RAB11FIP3: variants seen among roughly 807,000 people sequenced by gnomAD.
The protein encoded by RAB11FIP3 is RAB11 family interacting protein 3, also known as rab11 family-interacting protein 3.
A neutral mutation model predicts 77.8 loss-of-function variants in RAB11FIP3; 17 were observed. The ratio of observed to expected loss-of-function variants is 0.22; its 90% CI spans 0.15 to 0.33. The LOEUF (loss-of-function observed/expected upper bound fraction) is 0.33. Among genes scored for constraint, RAB11FIP3 ranks in the 10% least tolerant of loss-of-function variants. The pLI, the probability that RAB11FIP3 is intolerant of heterozygous loss-of-function variation, is 1.00. For synonymous variants in RAB11FIP3, 437 were observed against 448.2 expected (o/e 0.98, Z 0.31); for missense variants, 1,005 against 1,011.2 (o/e 0.99, Z 0.08).
chr16:443,276 T>C (rs1454244195), intron 1 of RAB11FIP3, among the ~76,000 whole-genome samples: 1 of 152,134 alleles, frequency 6.6e-6, no homozygotes, highest in Non-Finnish European at 1.5e-5. Context: ...GCGAGTGCCT[T>C]TAAAGCGAAA....
chr16:448,502 C>T (rs1246077666), intron 1 of RAB11FIP3, among the ~76,000 whole-genome samples: 2 of 150,672 alleles, frequency 1.3e-5, no homozygotes, highest in African/African-American at 2.4e-5. Context: ...TTTGGGAGGC[C>T]GAGGCAGGTG....
intron 4 of RAB11FIP3, among the ~76,000 whole-genome samples, chr16:487,200 G>GGCTCACTGCCATCTCC: frequency 6.7e-6 from 1 of 149,890 alleles, no homozygotes; most frequent in African/African-American, 2.4e-5. Context: ...GCGCGATCTC[G>GGCTCACTGCCATCTCC]GCTCACTGCC....
Position 520,616 on chromosome 16 carries a change from C to G in RAB11FIP3, c.2157+17C>G. On this transcript the variant is annotated intron_variant, in intron 13 of 13. Transcript: ENST00000262305. Reference sequence around the variant, plus strand: ...CGAGATGAGGTAACACATCCCGTGTCTGCACGGTGTGGCCTGGGGTCCACA... The same window carrying G: ...CGAGATGAGGTAACACATCCCGTGTGTGCACGGTGTGGCCTGGGGTCCACA... 11 of 1,612,468 alleles carry G rather than the reference C, an allele frequency of 6.8e-6. No individual in the cohort carries two copies. Among genetic ancestry groups the G allele is most frequent in the Non-Finnish European group, 9.3e-6 (11 of 1,179,250 alleles).
rs190111293 is a variant in RAB11FIP3 at position 459,501 on chromosome 16, A to G, written c.715-1903A>G. Among the ~76,000 whole-genome samples, 99 of 149,838 alleles carry G rather than the reference A, an allele frequency of 6.6e-4. 2 individuals are homozygous for G. Among genetic ancestry groups the G allele is most frequent in the South Asian group, 6.5e-3 (31 of 4,748 alleles). On this transcript the variant is annotated intron_variant, in intron 1 of 13. Coordinates refer to ENST00000262305, the MANE Select transcript of RAB11FIP3 (RefSeq NM_014700.4). The stretch of plus-strand genomic sequence containing the variant: ...GCCCAGGCTGGAGTGCAGTGGCACA[A>G]TCTTGGCTCACTGCAACCTCCGCCT...
chr16:478,831 T>A (rs938194995), intron 3 of RAB11FIP3, among the ~76,000 whole-genome samples: 5 of 152,004 alleles, frequency 3.3e-5, no homozygotes, highest in Non-Finnish European at 7.4e-5. Context: ...CTGGGCACAG[T>A]GGTGCATGCC....
chr16:467,592 C>CTCAGGGAGGAGGTGCTGGGGCG (rs1567373812), intron 2 of RAB11FIP3, among the ~76,000 whole-genome samples: 3 of 26,270 alleles, frequency 1.1e-4, no homozygotes, highest in African/African-American at 4.7e-4. Context: ...GTGCTGGGGC[C>CTCAGGGAGGAGGTGCTGGGGCG]TCAGGGAGGA....
At chr16:493,475 T>G (rs1418447089) in intron 5 of RAB11FIP3, among the ~76,000 whole-genome samples, 1 of 152,176 alleles carries the variant, frequency 6.6e-6, no homozygotes, top group African/African-American at 2.4e-5. Flanking sequence ...CTCTGGAAGC[T>G]TTGATGTCAG....
In RAB11FIP3 at chr16:514,366, G is replaced by T. The variant is rs2032314627; in HGVS notation, c.1640+3566G>T. Among the ~76,000 whole-genome samples the T allele has an allele frequency of 6.6e-6, 1 of 152,166 alleles. No homozygotes were observed. The highest frequency in any genetic ancestry group is 1.5e-5 in the Non-Finnish European group (1 of 68,042). On this transcript the variant is annotated intron_variant, in intron 9 of 13. Coordinates refer to ENST00000262305, the MANE Select transcript of RAB11FIP3 (RefSeq NM_014700.4). The surrounding 1 kb of genome is among the most constrained non-coding windows in gnomAD (Gnocchi z 4.6). ...TGGTCAGTGCAAAGACACTGTCTCA[G>T]TCCGGGGTCCTCAGGAGCAGAGGAT... is the stretch of plus-strand genomic sequence containing the variant.
At chr16:487,411 C>T (rs1014229100) in intron 4 of RAB11FIP3, among the ~76,000 whole-genome samples, 3 of 152,206 alleles carry the variant, frequency 2.0e-5, no homozygotes, top group African/African-American at 4.8e-5. Context: ...TGTGAGCCAC[C>T]GCCCCCGGCC....
Position 461,533 on chromosome 16 carries a change from C to T in RAB11FIP3, c.808+36C>T. 1 of 1,568,286 alleles carries T rather than the reference C, an allele frequency of 6.4e-7. No homozygotes were observed. Among genetic ancestry groups the T allele is most frequent in the Non-Finnish European group, 8.8e-7 (1 of 1,139,846 alleles). ...CCCGCCATGAGCTCCCACCTCCTCT[C>T]CCGTTCCTCAGCCACCCTCTCAGCC... On this transcript the variant is annotated intron_variant, in intron 2 of 13. Coordinates refer to ENST00000262305, the MANE Select transcript of RAB11FIP3 (RefSeq NM_014700.4). This position sits in a 1 kb window ranked among gnomAD's most constrained non-coding sequence, Gnocchi z 4.5.
rs758086550 is a variant in RAB11FIP3, at chr16:505,542, C to T, written c.1414C>T (p.Arg472Cys). Residue 472 changes from arginine (R) to cysteine (C), a missense_variant, in exon 8 of 14, where the codon CGT becomes TGT. Arg to Cys is a radical substitution (Grantham distance 180). Around this residue, in one of 4 missense-constraint regions of RAB11FIP3, gnomAD observed 433 missense variants for 436.1 expected, o/e 0.99. Coordinates refer to ENST00000262305, the MANE Select transcript of RAB11FIP3 (RefSeq NM_014700.4). This position sits in a 1 kb window ranked among gnomAD's most constrained non-coding sequence, Gnocchi z 4.0. ...IADKVVFLERRVLELEKDTAA... is the reference protein window; with the variant it reads ...IADKVVFLERCVLELEKDTAA... ...TGCCAAGGTTGTCTTCCTGGAAAGG[C>T]GTGTGCTGGAGCTGGAAAAGGACAC... 6 of 1,608,858 alleles carry T rather than the reference C, an allele frequency of 3.7e-6. No homozygotes were observed. The highest frequency in any genetic ancestry group is 5.1e-6 in the Non-Finnish European group (6 of 1,179,536).
At position 480,364 on chromosome 16, in the gene RAB11FIP3, G is replaced by A. The variant is rs188361692; in HGVS notation, c.904-2161G>A. ...TTTTGAAATAGAGGCTCACTCTGTC[G>A]CCCAAGCTGGAGCTTAATGGCATGA... On this transcript the variant is annotated intron_variant, in intron 3 of 13. Coordinates refer to ENST00000262305, the MANE Select transcript of RAB11FIP3 (RefSeq NM_014700.4). Among the ~76,000 whole-genome samples the A allele has an allele frequency of 4.0e-3, 597 of 150,150 alleles. 4 individuals are homozygous for A. Among genetic ancestry groups the A allele is most frequent in the African/African-American group, 0.014 (551 of 40,686 alleles).
chr16:463,495 A>G (rs991520687), intron 2 of RAB11FIP3, among the ~76,000 whole-genome samples: 6 of 139,046 alleles, frequency 4.3e-5, no homozygotes, highest in South Asian at 2.3e-4. Context: ...CTGAAGTGCA[A>G]TGGCATGATT....
chr16:467,285 C>T (rs1236081911), intron 2 of RAB11FIP3, among the ~76,000 whole-genome samples: 1 of 152,214 alleles, frequency 6.6e-6, no homozygotes, highest in Non-Finnish European at 1.5e-5. Context: ...CCTCACAATT[C>T]TGTCTCCAGC....
At chr16:468,269 A>C (rs143215260) in intron 2 of RAB11FIP3, among the ~76,000 whole-genome samples, 794 of 5,996 alleles carry the variant, frequency 0.13, 7 homozygotes, top group Non-Finnish European at 0.15. Context: ...GGTGCAGGGA[A>C]GTCAGGGAGG....
chr16:449,882 CA>C (rs34158443), intron 1 of RAB11FIP3, among the ~76,000 whole-genome samples: 60,958 of 151,170 alleles, frequency 0.4, 13,660 homozygotes, highest in Middle Eastern at 0.54. Flanking sequence ...ACCCGGGAAG[CA>C]GAGGTTGCAG....
chr16:471,165 C>A lies in RAB11FIP3; in HGVS notation c.809-130C>A. The A allele has an allele frequency of 1.4e-6, 1 of 718,806 alleles. No homozygotes were observed. The highest frequency in any genetic ancestry group is 2.4e-6 in the Non-Finnish European group (1 of 417,052). 44.5% of individuals were successfully genotyped at this position (718,806 alleles called of 1,614,324 possible). A position where few individuals can be genotyped will look rare whatever the true frequency, so the allele number is the denominator to read the frequency against. On this transcript the variant is annotated intron_variant, in intron 2 of 13. Transcript: ENST00000262305. The surrounding 1 kb of genome is among the most constrained non-coding windows in gnomAD (Gnocchi z 4.4). ...CTCACTCCCTTGCTTGTCTTGACCC[C>A]CCCCAGGGCCCCCAACTCCCACACA...
chr16:467,480 ACGTCAGGGAGGAGGTGCAGGGG>A (rs1567373720), intron 2 of RAB11FIP3, among the ~76,000 whole-genome samples: 160 of 30,470 alleles, frequency 5.3e-3, no homozygotes, highest in Non-Finnish European at 7.8e-3. Flanking sequence ...AGGTGCTGGG[ACGTCAGGGAGGAGGTGCAGGGG>A]CGTCAGGGAG....
intron 1 of RAB11FIP3, among the ~76,000 whole-genome samples, chr16:458,707 C>T (rs1261981475): frequency 6.7e-6 from 1 of 149,996 alleles, no homozygotes; most frequent in Non-Finnish European, 1.5e-5. Context: ...GTTGCCTCTC[C>T]CTGTCCCTGA....
Sources: gnomAD v4.1 joint callset for allele counts (sites outside exome capture counted in the v4.1 genomes callset) on GRCh38, gnomAD v4.1.1 for gene constraint, gnomAD v4.1.1 regional missense constraint, Gnocchi (gnomAD v3.1) non-coding constraint, MANE v1.5 for transcripts, NCBI Gene and HGNC (gene_info 2026-07-23, HGNC 2026-07-21) for gene names.